Variants in RYR2 observed in about 807,000 individuals in gnomAD.
The protein encoded by RYR2 is ryanodine receptor 2.
RYR2 carries 227 observed loss-of-function variants against 601.1 expected under a neutral mutation model. The observed-to-expected ratio is 0.38, with a 90% CI of 0.34 to 0.42. The LOEUF (loss-of-function observed/expected upper bound fraction) is 0.42, where lower values mean the gene tolerates loss of function less well. Ranked by LOEUF, RYR2 falls within the 10% of genes least tolerant of loss-of-function variation. RYR2 has a pLI of 1.00. For missense variants in RYR2, 4,646 were observed against 6,156.5 expected (o/e 0.75, Z 8.21); for synonymous variants, 2,223 against 2,175.1 (o/e 1.02, Z -0.61).
In RYR2 at chr1:237,506,632, A is replaced by C. The variant is rs1665289889; in HGVS notation, c.2614-78A>C. 5 of 921,434 alleles carry C rather than the reference A, an allele frequency of 5.4e-6. 1 individual carries two copies. In the South Asian group the frequency reaches 6.4e-5, roughly 12 times the overall value. 57.1% of individuals were successfully genotyped at this position (921,434 alleles called of 1,614,324 possible). A position where few individuals can be genotyped will look rare whatever the true frequency, so the allele number is the denominator to read the frequency against. On this transcript the variant is annotated intron_variant, in intron 22 of 104. Transcript: ENST00000366574. The stretch of plus-strand genomic sequence containing the variant: ...TTATGAGGCAGTTTTATTTAGTTCA[A>C]TTTGCAGTGAAGACTGTTGGCACTG...
In RYR2 at chr1:237,345,584, G is replaced by A. The variant is rs548341357; in HGVS notation, c.274-10381G>A. Among the ~76,000 whole-genome samples, 6 of 152,014 alleles carry A rather than the reference G, an allele frequency of 3.9e-5. No individual in the cohort carries two copies. In the South Asian group the frequency reaches 1.2e-3, roughly 32 times the overall value. The stretch of plus-strand genomic sequence containing the variant: ...ATGAGCTGGAATTTATTTAAGAGTA[G>A]TAATCAACTTGATTTTTTTCTATTA... On this transcript the variant is annotated intron_variant, in intron 3 of 104. Coordinates refer to ENST00000366574, the MANE Select transcript of RYR2 (RefSeq NM_001035.3).
intron 2 of RYR2, among the ~76,000 whole-genome samples, chr1:237,290,777 T>C (rs944725438): frequency 6.6e-6 from 1 of 152,134 alleles, no homozygotes; most frequent in Non-Finnish European, 1.5e-5. Context: ...ATTATAAAGA[T>C]TTCCTAGCAA....
chr1:237,685,798 T>C (rs1353584685), intron 62 of RYR2, among the ~76,000 whole-genome samples: 1 of 152,230 alleles, frequency 6.6e-6, no homozygotes, highest in Non-Finnish European at 1.5e-5. Context: ...GCCTCATGAC[T>C]AATCTTATGT....
intron 6 of RYR2, among the ~76,000 whole-genome samples, chr1:237,370,979 G>A (rs560643422): frequency 1.3e-5 from 2 of 151,022 alleles, no homozygotes; most frequent in Admixed American, 6.6e-5. Flanking sequence ...TCTTATAAGA[G>A]CTTTATTAAA....
chr1:237,651,953 C>T (rs111948623), intron 51 of RYR2, among the ~76,000 whole-genome samples: 7 of 152,014 alleles, frequency 4.6e-5, no homozygotes, highest in Admixed American at 6.6e-5. Flanking sequence ...AGGAGAATGG[C>T]GTGAACCCGG....
chr1:237,591,852 C>A lies in RYR2; in HGVS notation c.4274C>A (p.Thr1425Lys), dbSNP rs761181641. 1 of 1,610,120 alleles carries A rather than the reference C, an allele frequency of 6.2e-7. No individual in the cohort carries two copies. Among genetic ancestry groups the A allele is most frequent in the Non-Finnish European group, 8.5e-7 (1 of 1,177,698 alleles). ...TATGATTTCTTGATGCAAACGTCCA[C>A]GGTATGAGGTTGCAGCTTTTGTCGT... ...DDYDFLMQTS[T>K]YYYSVRIFPG... is the part of the protein sequence containing the mutation. Residue 1425 changes from threonine (T) to lysine (K), a missense_variant and splice_region_variant, in exon 32 of 105, where the codon ACG (threonine) becomes AAG (lysine). Transcript: ENST00000366574.
chr1:237,829,677 G>A (rs760159211), intron 102 of RYR2, among the ~76,000 whole-genome samples: 8 of 152,156 alleles, frequency 5.3e-5, no homozygotes, highest in Non-Finnish European at 8.8e-5. Flanking sequence ...AGTAAGGCAG[G>A]AAGAATTTTA....
chr1:237,136,525 G>C (rs180706548), intron 1 of RYR2, among the ~76,000 whole-genome samples: 1 of 152,174 alleles, frequency 6.6e-6, no homozygotes, highest in African/African-American at 2.4e-5. Flanking sequence ...CCTCCAGCAG[G>C]ACTCAGACAG....
chr1:237,709,231 C>A, intron 69 of RYR2, 133 bp downstream of exon 69: 1 of 883,508 alleles, frequency 1.1e-6, no homozygotes, highest in Non-Finnish European at 1.7e-6. Context: ...TGTTTATAGG[C>A]AAGTTAATTT....
chr1:237,460,354 A>G (rs1164576658), intron 16 of RYR2, among the ~76,000 whole-genome samples: 2 of 152,138 alleles, frequency 1.3e-5, no homozygotes, highest in Non-Finnish European at 2.9e-5. Context: ...TTTTACCAAC[A>G]TTGGTCTTGA....
intron 80 of RYR2, among the ~76,000 whole-genome samples, chr1:237,746,907 A>G (rs1692128352): frequency 6.6e-6 from 1 of 152,126 alleles, no homozygotes; most frequent in Non-Finnish European, 1.5e-5. Flanking sequence ...TTTTCTGAGC[A>G]TTATGGGTTT....
intron 24 of RYR2, among the ~76,000 whole-genome samples, chr1:237,529,797 A>ACACACACACACACC (rs1275409100): frequency 2.7e-5 from 4 of 149,736 alleles, no homozygotes; most frequent in South Asian, 2.1e-4. Flanking sequence ...ACACACACAC[A>ACACACACACACACC]CCACGTATAT....
intron 56 of RYR2, among the ~76,000 whole-genome samples, chr1:237,663,725 A>G (rs1367452351): frequency 2.6e-5 from 4 of 152,262 alleles, no homozygotes; most frequent in Non-Finnish European, 4.4e-5. Flanking sequence ...TAGGTGAGCC[A>G]TAATTTTTGT....
At chr1:237,220,653 A>G (rs941892748) in intron 1 of RYR2, among the ~76,000 whole-genome samples, 4 of 152,186 alleles carry the variant, frequency 2.6e-5, no homozygotes, top group African/African-American at 9.7e-5. Flanking sequence ...TGCATGCATC[A>G]TCTCTGATCC....
intron 97 of RYR2, 75 bp from the exon 98 acceptor site, chr1:237,801,781 C>A: frequency 2.3e-6 from 2 of 857,172 alleles, no homozygotes; most frequent in South Asian, 1.7e-5. Flanking sequence ...AATGTGAAGG[C>A]CGTCAGGCTC....
At chr1:237,674,250 C>G in intron 59 of RYR2, 31 bp downstream of exon 59, 1 of 1,549,092 alleles carries the variant, frequency 6.5e-7, no homozygotes, top group South Asian at 1.1e-5. Context: ...AGTACACACT[C>G]TTTTCACAAG....
chr1:237,468,204 C>T (rs1660300550), intron 16 of RYR2, among the ~76,000 whole-genome samples: 1 of 152,130 alleles, frequency 6.6e-6, no homozygotes, highest in Non-Finnish European at 1.5e-5. Flanking sequence ...ATCTTTCTCT[C>T]TTTAAATATC....
chr1:237,814,254 G>T (rs1159349358), intron 100 of RYR2, among the ~76,000 whole-genome samples: 2 of 152,232 alleles, frequency 1.3e-5, no homozygotes, highest in Non-Finnish European at 2.9e-5. Context: ...AAGCAGCACA[G>T]AATAGGAAAC....
intron 29 of RYR2, among the ~76,000 whole-genome samples, chr1:237,571,312 T>C (rs1021911904): frequency 9.9e-5 from 9 of 90,874 alleles, no homozygotes; most frequent in African/African-American, 2.8e-4. Flanking sequence ...TTTCTTTTCT[T>C]TTCTTTTTTT....
Sources: gnomAD v4.1 joint callset for allele counts (sites outside exome capture counted in the v4.1 genomes callset) on GRCh38, gnomAD v4.1.1 for gene constraint, MANE v1.5 for transcripts, NCBI Gene and HGNC (gene_info 2026-07-23, HGNC 2026-07-21) for gene names.